Variants in TMEM267 observed in about 807,000 individuals in gnomAD.
TMEM267 encodes the protein transmembrane protein C5orf28.
TMEM267 carries 20 observed loss-of-function variants against 19.3 expected under a neutral mutation model. That is an observed-to-expected ratio of 1.04 (90% CI 0.73 to 1.51). The LOEUF (loss-of-function observed/expected upper bound fraction) is 1.51. Among genes scored for constraint, TMEM267 ranks in the 40% most tolerant of loss-of-function variants. The probability of loss-of-function intolerance (pLI) is 0.00; values close to 1 mark genes in which losing one functional copy is unlikely to be tolerated. For synonymous variants in TMEM267, 88 were observed against 90.3 expected (o/e 0.97, Z 0.15); for missense variants, 242 against 261.9 (o/e 0.92, Z 0.52).
At chr5:43,471,741 T>C (rs922076309) in intron 1 of TMEM267, among the ~76,000 whole-genome samples, 4 of 152,206 alleles carry the variant, frequency 2.6e-5, no homozygotes, top group African/African-American at 4.8e-5. Context: ...GATATCTATA[T>C]GCAGAAGAAT....
chr5:43,482,317 A>C (rs532270149), intron 1 of TMEM267, among the ~76,000 whole-genome samples: 3 of 152,340 alleles, frequency 2.0e-5, no homozygotes, highest in South Asian at 4.1e-4. Context: ...TCTGGCTCAG[A>C]GTCTGAGTAT....
intron 1 of TMEM267, among the ~76,000 whole-genome samples, chr5:43,466,460 A>C (rs968043133): frequency 3.9e-5 from 6 of 152,224 alleles, no homozygotes; most frequent in Admixed American, 2.0e-4. Context: ...ACAAACACTG[A>C]GGGATTAAAT....
intron 1 of TMEM267, among the ~76,000 whole-genome samples, chr5:43,461,033 C>G (rs1014616881): frequency 6.6e-6 from 1 of 152,202 alleles, no homozygotes; most frequent in African/African-American, 2.4e-5. Flanking sequence ...TAACCCCATG[C>G]TGCACATCTT....
intron 1 of TMEM267, chr5:43,476,408 G>C (rs891052058): frequency 6.7e-6 from 1 of 150,368 alleles, no homozygotes; most frequent in Non-Finnish European, 1.5e-5. Context: ...TCAGAGGCAA[G>C]TCTGCAGACC....
chr5:43,474,695 G>C (rs1449225066), intron 1 of TMEM267, among the ~76,000 whole-genome samples: 1 of 149,978 alleles, frequency 6.7e-6, no homozygotes, highest in Non-Finnish European at 1.5e-5. Flanking sequence ...GCAGGCAGAG[G>C]TTGTGGTGAG....
rs1270157275 is a variant in TMEM267 at position 43,446,435 on chromosome 5, G to A, written c.435C>T (p.Pro145=). The change falls in exon 3 of 3, where the codon CCC becomes CCT. Residue 145 remains proline, a synonymous_variant. Transcript: ENST00000397080. ...AAGTCCAGGATATAAATAACATCCA[G>A]GGAAGAAAGCACCATGAGTCTTTGA... ...FKLKDSWCFL[P]WMLFISWTSH... is the part of the protein sequence containing the mutation. 1.9e-6 allele frequency: 3 copies of A among 1,613,952 alleles called. No homozygotes were observed. In the Admixed American group the frequency reaches 5.0e-5, roughly 27 times the overall value.
intron 1 of TMEM267, among the ~76,000 whole-genome samples, chr5:43,464,878 T>C (rs1743541008): frequency 6.6e-6 from 1 of 152,184 alleles, no homozygotes; most frequent in African/African-American, 2.4e-5. Context: ...GTCAATACCA[T>C]TCAGGACACA....
intron 1 of TMEM267, among the ~76,000 whole-genome samples, chr5:43,480,797 CTTTTTTTTTTTT>C (rs869260304): frequency 1.1e-4 from 9 of 79,582 alleles, no homozygotes; most frequent in Admixed American, 1.6e-4. Flanking sequence ...AATAATCTTA[CTTTTTTTTTTTT>C]TTTTTTTTTT....
chr5:43,475,535 G>A (rs1181104818), intron 1 of TMEM267, among the ~76,000 whole-genome samples: 1 of 151,998 alleles, frequency 6.6e-6, no homozygotes, highest in Non-Finnish European at 1.5e-5. Flanking sequence ...TTAAAAAAAA[G>A]TCAGAAACAG....
chr5:43,471,412 C>T (rs1331189072), intron 1 of TMEM267, among the ~76,000 whole-genome samples: 1 of 151,482 alleles, frequency 6.6e-6, no homozygotes, highest in Non-Finnish European at 1.5e-5. Context: ...ATACTAATGA[C>T]ATTCTTCACA....
intron 1 of TMEM267, among the ~76,000 whole-genome samples, chr5:43,458,128 T>C (rs1743057628): frequency 6.6e-6 from 1 of 152,134 alleles, no homozygotes; most frequent in South Asian, 2.1e-4. Flanking sequence ...TGAGACAGGG[T>C]CTTGCTCTGT....
chr5:43,452,044 C>T (rs967121314), intron 2 of TMEM267, among the ~76,000 whole-genome samples: 9 of 142,150 alleles, frequency 6.3e-5, no homozygotes, highest in African/African-American at 2.4e-4. Context: ...CACCACTGCA[C>T]TCCAGCCTGG....
chr5:43,474,528 G>A (rs1420962210), intron 1 of TMEM267, among the ~76,000 whole-genome samples: 1 of 152,208 alleles, frequency 6.6e-6, no homozygotes, highest in Admixed American at 6.5e-5. Flanking sequence ...GGGAGGCTGA[G>A]GCAGGTGGAT....
chr5:43,447,237 C>A (rs777157127), intron 2 of TMEM267, among the ~76,000 whole-genome samples: 3 of 151,880 alleles, frequency 2.0e-5, no homozygotes, highest in Non-Finnish European at 4.4e-5. Context: ...TCATAGGCAC[C>A]TGCCACCATG....
chr5:43,475,151 A>G (rs1317966319), intron 1 of TMEM267, among the ~76,000 whole-genome samples: 1 of 152,260 alleles, frequency 6.6e-6, no homozygotes, highest in East Asian at 1.9e-4. Flanking sequence ...GACTGGATAA[A>G]GAAAATGTGG....
At position 43,446,624 on chromosome 5, in the gene TMEM267, T is replaced by C; in HGVS notation, c.313-67A>G. On this transcript the variant is annotated intron_variant, in intron 2 of 2. Coordinates refer to ENST00000397080, the MANE Select transcript of TMEM267 (RefSeq NM_022483.5). ...CAAAACAAAATTTTATACATGCTTC[T>C]TAATATTTTAAAATATTTTCCAGAG... 3.1e-6 allele frequency: 3 copies of C among 966,332 alleles called. No individual in the cohort carries two copies. The Middle Eastern group carries it at 6.5e-4, about 210-fold the overall frequency. The allele number at this position is 966,332 out of a possible 1,614,324, so 59.9% of individuals were successfully genotyped here.
intron 2 of TMEM267, among the ~76,000 whole-genome samples, chr5:43,448,825 T>C (rs957296749): frequency 2.0e-5 from 3 of 151,358 alleles, no homozygotes; most frequent in Non-Finnish European, 2.9e-5. Context: ...ACCCTGTTCC[T>C]AGTAACAAAT....
rs1742513478 is a variant in TMEM267, at chr5:43,450,354, C to T, written c.312+3304G>A. ...AAAGAAAATGGAATTATCATAGAAT[C>T]ATAGAAGTAAAAATAGATCACTGTC... is the stretch of plus-strand genomic sequence containing the variant. On this transcript the variant is annotated intron_variant, in intron 2 of 2. Coordinates refer to ENST00000397080, the MANE Select transcript of TMEM267 (RefSeq NM_022483.5). Among the ~76,000 whole-genome samples, 2 of 152,156 alleles carry T rather than the reference C, an allele frequency of 1.3e-5. 1 individual carries two copies. Among genetic ancestry groups the T allele is most frequent in the African/African-American group, 4.8e-5 (2 of 41,498 alleles).
intron 1 of TMEM267, among the ~76,000 whole-genome samples, chr5:43,483,559 A>G (rs1011996373): frequency 1.1e-4 from 16 of 152,132 alleles, no homozygotes; most frequent in African/African-American, 2.9e-4. Flanking sequence ...ATCTAGAAAA[A>G]GCGCGAAGCC....
Sources: gnomAD v4.1 joint callset for allele counts (sites outside exome capture counted in the v4.1 genomes callset) on GRCh38, gnomAD v4.1.1 for gene constraint, MANE v1.5 for transcripts, NCBI Gene and HGNC (gene_info 2026-07-23, HGNC 2026-07-21) for gene names.